CYP27C1: variants seen among roughly 807,000 people sequenced by gnomAD.
CYP27C1 encodes the protein cytochrome P450 27C1.
In CYP27C1, 29 loss-of-function variants were observed where a neutral mutation model predicts 40.6. The ratio of observed to expected loss-of-function variants is 0.71; its 90% CI spans 0.53 to 0.97. The LOEUF (loss-of-function observed/expected upper bound fraction) is 0.97. Among genes scored for constraint, CYP27C1 ranks in the 50% least tolerant of loss-of-function variants. The probability of loss-of-function intolerance (pLI) is 0.00; values close to 1 mark genes in which losing one functional copy is unlikely to be tolerated. For missense variants in CYP27C1, 390 were observed against 485.8 expected (o/e 0.80, Z 1.85); for synonymous variants, 198 against 186.8 (o/e 1.06, Z -0.49).
At chr2:127,214,650 C>CACAG (rs1683392408) in intron 1 of CYP27C1, among the ~76,000 whole-genome samples, 1 of 151,996 alleles carries the variant, frequency 6.6e-6, no homozygotes, top group Non-Finnish European at 1.5e-5. Context: ...AGGGGAATAA[C>CACAG]ATACACCAGG....
chr2:127,197,787 C>T (rs1316779173), intron 5 of CYP27C1, among the ~76,000 whole-genome samples: 16 of 152,080 alleles, frequency 1.1e-4, no homozygotes, highest in Admixed American at 6.6e-5. Flanking sequence ...TGTACCTACA[C>T]GGCGATCATT....
chr2:127,201,382 C>G lies in CYP27C1; in HGVS notation c.674-51G>C. On this transcript the variant is annotated intron_variant, in intron 3 of 8. Transcript: ENST00000664447. This position sits in a 1 kb window ranked among gnomAD's most constrained non-coding sequence, Gnocchi z 6.0. ...CCCTCTTCTAGATTATTTACCATAC[C>G]AACAGGCAATGTTGGGCCATAAATG... 7 of 1,560,584 alleles carry G rather than the reference C, an allele frequency of 4.5e-6. No homozygotes were observed. Among genetic ancestry groups the G allele is most frequent in the Non-Finnish European group, 6.1e-6 (7 of 1,142,470 alleles).
At chr2:127,203,601 C>T (rs1558930405) in intron 2 of CYP27C1, 30 bp from the exon 3 acceptor site, 2 of 1,576,328 alleles carry the variant, frequency 1.3e-6, no homozygotes, top group Non-Finnish European at 1.7e-6. Flanking sequence ...TTCAAATCAT[C>T]TTACTTACAC....
intron 5 of CYP27C1, among the ~76,000 whole-genome samples, chr2:127,197,348 T>C (rs1441740495): frequency 6.6e-6 from 1 of 152,246 alleles, no homozygotes; most frequent in Non-Finnish European, 1.5e-5. Context: ...TTTTGTTTTG[T>C]TTTGTTTTTC....
At position 127,192,720 on chromosome 2, in the gene CYP27C1, C is replaced by T. The variant is rs568195602; in HGVS notation, c.1497+374G>A. Among the ~76,000 whole-genome samples the T allele has an allele frequency of 2.4e-4, 13 of 54,812 alleles. No individual in the cohort carries two copies. In the Admixed American group the frequency reaches 2.9e-3, roughly 12 times the overall value. 36.0% of individuals were successfully genotyped at this position (54,812 alleles called of 152,430 possible). A position where few individuals can be genotyped will look rare whatever the true frequency, so the allele number is the denominator to read the frequency against. On this transcript the variant is annotated intron_variant, in intron 8 of 8. Coordinates refer to ENST00000664447, the MANE Select transcript of CYP27C1 (RefSeq NM_001367502.1). ...GGGGTCCCCAATCCCCACAGGGCCT[C>T]GCTTAGACCTCCAGGGTTTCTCAGA...
rs1683487090 is a variant in CYP27C1, at chr2:127,218,538, AAAATT to A, written c.282+1446_282+1450del. 6.6e-6 allele frequency among the ~76,000 whole-genome samples: 1 copy of A among 152,100 alleles called. No homozygotes were observed. The highest frequency in any genetic ancestry group is 2.4e-5 in the African/African-American group (1 of 41,400). On this transcript the variant is annotated intron_variant, in intron 1 of 8. Transcript: ENST00000664447. The surrounding 1 kb of genome is among the most constrained non-coding windows in gnomAD (Gnocchi z 6.0). The stretch of plus-strand genomic sequence containing the variant: ...GGGACGGTTGGGACTTCCTGGCATT[AAAATT>A]AAATTAAATTTTAATTCCCGGCCGA...
chr2:127,186,066 TG>T lies in CYP27C1; in HGVS notation c.*1204del, dbSNP rs2104667788. On this transcript the variant is annotated 3_prime_UTR_variant, in exon 9 of 9. Transcript: ENST00000664447. The surrounding 1 kb of genome is among the most constrained non-coding windows in gnomAD (Gnocchi z 4.5). ...CTCTATTTATGTATTTATTTTCCCTTGAAATAAAAATGTTCTAAAGTTACAT... is the reference window on the plus strand; with the variant it reads ...CTCTATTTATGTATTTATTTTCCCTTAAATAAAAATGTTCTAAAGTTACAT... 6.6e-6 allele frequency: 1 copy of T among 152,332 alleles called. No homozygotes were observed. Among genetic ancestry groups the T allele is most frequent in the African/African-American group, 2.4e-5 (1 of 41,580 alleles). 9.4% of individuals were successfully genotyped at this position (152,332 alleles called of 1,614,324 possible).
Position 127,195,879 on chromosome 2 carries a change from G to A in CYP27C1, c.1048-378C>T, listed in dbSNP as rs112552659. Among the ~76,000 whole-genome samples, 2,280 of 152,106 alleles carry A rather than the reference G, an allele frequency of 0.015. 50 individuals are homozygous for A. The highest frequency in any genetic ancestry group is 0.053 in the African/African-American group (2,185 of 41,458). ...GTGACCTTCTTTGCAGGGCTTGCTCGGTGTGTGCCAGAAAGGGCCTCAGGC... is the reference window on the plus strand; with the variant it reads ...GTGACCTTCTTTGCAGGGCTTGCTCAGTGTGTGCCAGAAAGGGCCTCAGGC... On this transcript the variant is annotated intron_variant, in intron 5 of 8. Transcript: ENST00000664447. This position sits in a 1 kb window ranked among gnomAD's most constrained non-coding sequence, Gnocchi z 6.2.
intron 2 of CYP27C1, chr2:127,205,617 T>TCCCAAAGC: frequency 1.1e-6 from 1 of 933,872 alleles, no homozygotes; most frequent in East Asian, 1.2e-4. Context: ...CTGAATGGAC[T>TCCCAAAGC]CCCAAAGCCA....
chr2:127,207,753 CTAAAGAAATCTACAAAACATTGTT>C (rs1442956651), intron 1 of CYP27C1, among the ~76,000 whole-genome samples: 9 of 152,148 alleles, frequency 5.9e-5, no homozygotes, highest in African/African-American at 1.7e-4. Context: ...AAAACATTGT[CTAAAGAAATCTACAAAACATTGTT>C]TAAAGAAATC....
At position 127,185,402 on chromosome 2, in the gene CYP27C1, C is replaced by G. The variant is rs1187944164; in HGVS notation, c.*1869G>C. ...AGCCACACTTCACGAGAGGGTCACA[C>G]TGTATGTATACCCAGGGAATAAGAG... is the stretch of plus-strand genomic sequence containing the variant. On this transcript the variant is annotated 3_prime_UTR_variant, in exon 9 of 9. Transcript: ENST00000664447. This position sits in a 1 kb window ranked among gnomAD's most constrained non-coding sequence, Gnocchi z 4.9. 6.6e-6 allele frequency: 1 copy of G among 152,220 alleles called. No homozygotes were observed. Among genetic ancestry groups the G allele is most frequent in the Non-Finnish European group, 1.5e-5 (1 of 68,054 alleles). The allele number at this position is 152,220 out of a possible 1,614,324, so 9.4% of individuals were successfully genotyped here.
intron 8 of CYP27C1, among the ~76,000 whole-genome samples, chr2:127,192,288 C>A (rs1017450733): frequency 6.6e-6 from 1 of 152,190 alleles, no homozygotes; most frequent in Admixed American, 6.5e-5. Context: ...AATGTTCAGG[C>A]AACGATGGAG....
At chr2:127,188,144 T>C (rs1682677174) in intron 8 of CYP27C1, among the ~76,000 whole-genome samples, 1 of 152,138 alleles carries the variant, frequency 6.6e-6, no homozygotes, top group South Asian at 2.1e-4. Flanking sequence ...TCAGCCCATT[T>C]GGAAAGGGCA....
chr2:127,211,359 GTGTTTTTT>G (rs1222925931), intron 1 of CYP27C1, among the ~76,000 whole-genome samples: 5 of 119,728 alleles, frequency 4.2e-5, no homozygotes, highest in East Asian at 2.8e-4. Flanking sequence ...AGCTAAAGCA[GTGTTTTTT>G]TGTTTTTTTT....
chr2:127,199,430 C>T lies in CYP27C1; in HGVS notation c.993G>A (p.Thr331=), dbSNP rs547358849. ...TCACGTTGGCGTAGATCTCCTGCAG[C>T]GTCAGAGCCTGGCTAAGGAAGAGGT... The part of the protein sequence containing the change: ...LTYLFLSQAL[T]LQEIYANVTE... Residue 331 remains threonine, a synonymous_variant, in exon 5 of 9, where the codon ACG becomes ACA. Transcript: ENST00000664447. 6 of 1,614,226 alleles carry T rather than the reference C, an allele frequency of 3.7e-6. No individual in the cohort carries two copies. The highest frequency in any genetic ancestry group is 1.7e-5 in the Admixed American group (1 of 60,032).
rs1466255410 is a variant in CYP27C1 at position 127,219,426 on chromosome 2, C to T, written c.282+563G>A. Among the ~76,000 whole-genome samples the T allele has an allele frequency of 6.6e-6, 1 of 151,986 alleles. No homozygotes were observed. The highest frequency in any genetic ancestry group is 1.9e-4 in the East Asian group (1 of 5,134). On this transcript the variant is annotated intron_variant, in intron 1 of 8. Transcript: ENST00000664447. The surrounding 1 kb of genome is among the most constrained non-coding windows in gnomAD (Gnocchi z 8.7). ...TTCGCGGCGCCCCCTCCCCAGGTTC[C>T]CCAACCAGGCAATCCCTGCCTGGGT... is the stretch of plus-strand genomic sequence containing the variant.
chr2:127,195,238 A>G lies in CYP27C1; in HGVS notation c.1214+97T>C. ...ACAGTCACGAACATCCTCATCCTGAACAGGTCAGCCGGGGGGGCATTTGGA... is the reference window on the plus strand; with the variant it reads ...ACAGTCACGAACATCCTCATCCTGAGCAGGTCAGCCGGGGGGGCATTTGGA... On this transcript the variant is annotated intron_variant, in intron 6 of 8. Coordinates refer to ENST00000664447, the MANE Select transcript of CYP27C1 (RefSeq NM_001367502.1). This position sits in a 1 kb window ranked among gnomAD's most constrained non-coding sequence, Gnocchi z 6.2. 2.7e-6 allele frequency: 4 copies of G among 1,489,526 alleles called. 1 individual carries two copies. The Admixed American group carries it at 5.4e-5, about 20-fold the overall frequency. 92.3% of individuals were successfully genotyped at this position (1,489,526 alleles called of 1,614,324 possible).
chr2:127,184,823 G>A lies in CYP27C1; in HGVS notation c.*2448C>T, dbSNP rs1402642926. On this transcript the variant is annotated 3_prime_UTR_variant, in exon 9 of 9. Coordinates refer to ENST00000664447, the MANE Select transcript of CYP27C1 (RefSeq NM_001367502.1). ...TGCTGACTGCATCCCCATGGAGTTT[G>A]TTTGTGTGTTTGTTTGTTATGAAGT... The A allele has an allele frequency of 1.3e-5, 2 of 152,174 alleles. No homozygotes were observed. Among genetic ancestry groups the A allele is most frequent in the Admixed American group, 1.3e-4 (2 of 15,260 alleles). 9.4% of individuals were successfully genotyped at this position (152,174 alleles called of 1,614,324 possible).
rs2404530 is a variant in CYP27C1, at chr2:127,208,167, C to A, written c.283-2077G>T. Among the ~76,000 whole-genome samples, 150,903 of 152,262 alleles carry A rather than the reference C, an allele frequency of 0.99. 74,784 individuals carry two copies. Among genetic ancestry groups the A allele is most frequent in the Middle Eastern group, 1 (294 of 294 alleles). On this transcript the variant is annotated intron_variant, in intron 1 of 8. Transcript: ENST00000664447. The surrounding 1 kb of genome is among the most constrained non-coding windows in gnomAD (Gnocchi z 5.2). ...AACATAATAAGCATGTGAAACCTTC[C>A]CTGGCAGCCAGGGTATCCAGGTTCT...
Sources: allele counts gnomAD v4.1 joint callset (sites outside exome capture counted in the v4.1 genomes callset), GRCh38; gene constraint gnomAD v4.1.1; non-coding constraint Gnocchi (gnomAD v3.1); transcripts MANE v1.5; gene names NCBI Gene and HGNC (gene_info 2026-07-23, HGNC 2026-07-21).